The following EPHA10 variants were observed in gnomAD, a reference collection of about 807,000 sequenced individuals.
EPHA10 encodes ephrin type-A receptor 10.
EPHA10 carries 120 observed loss-of-function variants against 109.7 expected under a neutral mutation model. That is an observed-to-expected ratio of 1.09 (90% CI 0.94 to 1.27). The LOEUF (loss-of-function observed/expected upper bound fraction) is 1.27, where lower values mean the gene tolerates loss of function less well. Among genes scored for constraint, EPHA10 ranks in the 50% most tolerant of loss-of-function variants. The pLI is 0.00. For synonymous variants in EPHA10, 640 were observed against 618.9 expected, an observed-to-expected ratio of 1.03 and a Z score of -0.51; for missense variants, 1,396 against 1,411.1, an observed-to-expected ratio of 0.99 and a Z score of 0.17.
chr1:37,742,347 T>C (rs1045222607), intron 5 of EPHA10, among the ~76,000 whole-genome samples: 22 of 152,210 alleles, frequency 1.4e-4, no homozygotes, highest in African/African-American at 3.9e-4. Context: ...GACATTTGTG[T>C]GCACTCATTC....
chr1:37,727,257 T>C (rs760815018), intron 7 of EPHA10, 47 bp from the exon 8 acceptor site: 1 of 1,502,282 alleles, frequency 6.7e-7, no homozygotes, highest in African/African-American at 1.4e-5. Flanking sequence ...ACCAGGCTCC[T>C]AGGCAAGCCC....
intron 5 of EPHA10, among the ~76,000 whole-genome samples, chr1:37,751,014 G>T (rs762759337): frequency 2.1e-4 from 32 of 150,658 alleles, no homozygotes; most frequent in Middle Eastern, 3.5e-3. Flanking sequence ...GACCATCCTG[G>T]CTAACATGGT....
rs775871085 is a variant in EPHA10 at position 37,765,062 on chromosome 1, T to C, written c.5A>G (p.Glu2Gly). The change falls in exon 1 of 17, where the codon GAG becomes GGG. Residue 2 changes from glutamate to glycine, a missense_variant. By Grantham distance (98) the Glu-to-Gly change is moderately conservative. Coordinates refer to ENST00000373048, the MANE Select transcript of EPHA10 (RefSeq NM_001099439.2). METCAGPHPLRL... is the reference protein window; with the variant it reads MGTCAGPHPLRL... Reference sequence around the variant, plus strand: ...CAGCGGGTGTGGACCGGCGCAGGTCTCCATGGTCCGCAGACCGAGCTGTCA... The same window carrying C: ...CAGCGGGTGTGGACCGGCGCAGGTCCCCATGGTCCGCAGACCGAGCTGTCA... The C allele has an allele frequency of 6.3e-7, 1 of 1,597,400 alleles. No homozygotes were observed. Among genetic ancestry groups the C allele is most frequent in the Admixed American group, 1.7e-5 (1 of 57,460 alleles).
At chr1:37,719,863 G>C in intron 14 of EPHA10, 46 bp downstream of exon 14, 2 of 1,613,564 alleles carry the variant, frequency 1.2e-6, no homozygotes, top group Non-Finnish European at 1.7e-6. Flanking sequence ...TGGGGCCTGA[G>C]CTGAGAGGGT....
intron 7 of EPHA10, among the ~76,000 whole-genome samples, chr1:37,728,088 A>G (rs1204399587): frequency 6.6e-6 from 1 of 152,136 alleles, no homozygotes; most frequent in Non-Finnish European, 1.5e-5. Flanking sequence ...AAGGCTTCAC[A>G]AAAAAAGGTG....
intron 8 of EPHA10, among the ~76,000 whole-genome samples, chr1:37,723,938 G>A (rs779688542): frequency 5.9e-5 from 9 of 152,368 alleles, no homozygotes; most frequent in Middle Eastern, 3.4e-3. Flanking sequence ...GCCACAGGCC[G>A]GTACTTGGGG....
chr1:37,761,199 A>G (rs1569771163), intron 3 of EPHA10: 1 of 1,471,594 alleles, frequency 6.8e-7, no homozygotes, highest in East Asian at 2.4e-5. Context: ...TAGCCAGTCA[A>G]TTTCATCTAG....
intron 11 of EPHA10, among the ~76,000 whole-genome samples, chr1:37,721,305 G>A (rs1471878757): frequency 6.6e-6 from 1 of 150,774 alleles, no homozygotes; most frequent in Non-Finnish European, 1.5e-5. Flanking sequence ...GCAGGCACCT[G>A]TAGTCCCAGC....
Position 37,724,078 on chromosome 1 carries a change from T to G in EPHA10, c.1773-706A>C, listed in dbSNP as rs1442539791. Among the ~76,000 whole-genome samples the G allele has an allele frequency of 2.6e-5, 4 of 152,230 alleles. No homozygotes were observed. The East Asian group carries it at 7.7e-4, about 29-fold the overall frequency. On this transcript the variant is annotated intron_variant, in intron 8 of 16. Coordinates refer to ENST00000373048, the MANE Select transcript of EPHA10 (RefSeq NM_001099439.2). ...ATTTCTACTTTAGAAAGAGCTCCAG[T>G]TGCAGAGTGGAAGCTGCCACGGGTG...
chr1:37,726,558 C>A (rs954020988), intron 8 of EPHA10, among the ~76,000 whole-genome samples: 4 of 152,234 alleles, frequency 2.6e-5, no homozygotes, highest in Non-Finnish European at 5.9e-5. Context: ...GGACTAGAAT[C>A]TTCTCTGAAC....
intron 15 of EPHA10, among the ~76,000 whole-genome samples, chr1:37,719,209 A>C (rs7533921): frequency 0.2 from 29,817 of 152,214 alleles, 3,282 homozygotes; most frequent in East Asian, 0.46. Flanking sequence ...GATGTGGGCA[A>C]AATCCAGGAG....
At chr1:37,737,651 A>G (rs975687373) in intron 5 of EPHA10, among the ~76,000 whole-genome samples, 6 of 152,256 alleles carry the variant, frequency 3.9e-5, no homozygotes, top group Admixed American at 3.9e-4. Context: ...TGAAATGATA[A>G]AACTCCTAGA....
chr1:37,719,336 G>T, intron 15 of EPHA10, 78 bp downstream of exon 15: 1 of 1,497,476 alleles, frequency 6.7e-7, no homozygotes, highest in Non-Finnish European at 9.1e-7. Context: ...TGGTGGAGGC[G>T]GTGGGTTTGC....
chr1:37,724,004 A>G (rs1218474805), intron 8 of EPHA10, among the ~76,000 whole-genome samples: 1 of 152,212 alleles, frequency 6.6e-6, no homozygotes, highest in East Asian at 1.9e-4. Context: ...TTATTCTGGG[A>G]GCAGAGGAGA....
Position 37,764,890 on chromosome 1 carries a change from C to A in EPHA10, c.106+71G>T. Reference sequence around the variant, plus strand: ...TAGTCTCTCCAATGACTCCTTCCCCCAGAACCCCCATCGCCAGCCCCCTAT... The same window carrying A: ...TAGTCTCTCCAATGACTCCTTCCCCAAGAACCCCCATCGCCAGCCCCCTAT... On this transcript the variant is annotated intron_variant, in intron 1 of 16. Coordinates refer to ENST00000373048, the MANE Select transcript of EPHA10 (RefSeq NM_001099439.2). This position sits in a 1 kb window ranked among gnomAD's most constrained non-coding sequence, Gnocchi z 5.8. The A allele has an allele frequency of 7.1e-7, 1 of 1,407,590 alleles. No individual in the cohort carries two copies. The highest frequency in any genetic ancestry group is 9.7e-7 in the Non-Finnish European group (1 of 1,026,772). The allele number at this position is 1,407,590 out of a possible 1,614,324, so 87.2% of individuals were successfully genotyped here. A position where few individuals can be genotyped will look rare whatever the true frequency, so the allele number is the denominator to read the frequency against.
intron 5 of EPHA10, among the ~76,000 whole-genome samples, chr1:37,741,936 T>G (rs1455877087): frequency 6.6e-6 from 1 of 152,068 alleles, no homozygotes; most frequent in African/African-American, 2.4e-5. Context: ...AGAGGAGTGA[T>G]GAAGCATTCT....
chr1:37,762,705 G>A, intron 2 of EPHA10, 80 bp downstream of exon 2: 2 of 1,313,096 alleles, frequency 1.5e-6, no homozygotes, highest in East Asian at 5.6e-5. Flanking sequence ...TTTGTCTGAT[G>A]TAAACATGAG....
Position 37,721,709 on chromosome 1 carries a change from G to A in EPHA10, c.2097C>T (p.Gly699=). 6.2e-7 allele frequency: 1 copy of A among 1,612,284 alleles called. No homozygotes were observed. The highest frequency in any genetic ancestry group is 8.5e-7 in the Non-Finnish European group (1 of 1,179,834). The change falls in exon 11 of 17, where the codon GGC becomes GGT. Residue 699 remains glycine, a synonymous_variant. Transcript: ENST00000373048. The part of the protein sequence containing the change: ...LGFLAEALTL[G]QFDHSHIVRL... ...GCACGATGTGGCTATGGTCAAACTG[G>A]CCCAGCGTGAGGGCCTCGGCCAGGA...
At chr1:37,731,368 T>A in intron 7 of EPHA10, 43 bp downstream of exon 7, 2 of 1,518,174 alleles carry the variant, frequency 1.3e-6, no homozygotes, top group Non-Finnish European at 1.8e-6. Context: ...CCGTGCAGGG[T>A]TCTCTCTGTC....
Sources: allele counts gnomAD v4.1 joint callset (sites outside exome capture counted in the v4.1 genomes callset), GRCh38; gene constraint gnomAD v4.1.1; non-coding constraint Gnocchi (gnomAD v3.1); transcripts MANE v1.5; gene names NCBI Gene and HGNC (gene_info 2026-07-23, HGNC 2026-07-21).